The following P2RY6 variants were observed in gnomAD, a reference collection of about 807,000 sequenced individuals.
P2RY6 encodes pyrimidinergic receptor P2Y6.
A neutral mutation model predicts 16.3 loss-of-function variants in P2RY6; 19 were observed. The observed-to-expected ratio is 1.16, with a 90% CI of 0.81 to 1.71. The LOEUF is 1.71. Among genes scored for constraint, P2RY6 ranks in the 40% most tolerant of loss-of-function variants. P2RY6 has a pLI of 0.00. For synonymous variants in P2RY6, 184 were observed against 201.5 expected, an observed-to-expected ratio of 0.91 and a Z score of 0.74; for missense variants, 389 against 455.5, an observed-to-expected ratio of 0.85 and a Z score of 1.33.
intron 1 of P2RY6, 64 bp downstream of exon 1, chr11:73,272,530 A>G: frequency 1.0e-6 from 1 of 984,662 alleles, no homozygotes; most frequent in Non-Finnish European, 1.2e-6. Context: ...GAGCTTCCTG[A>G]GTAACTGCAG....
intron 1 of P2RY6, among the ~76,000 whole-genome samples, chr11:73,277,216 C>T (rs1032016502): frequency 2.2e-4 from 34 of 151,956 alleles, no homozygotes; most frequent in African/African-American, 8.0e-4. Context: ...CAGGTTCAAG[C>T]GATTCTCCTG....
At chr11:73,265,431 A>G (rs952901519) in intron 1 of P2RY6, 6 of 152,226 alleles carry the variant, frequency 3.9e-5, no homozygotes, top group African/African-American at 1.4e-4. Flanking sequence ...TGTTCTGATA[A>G]ATTACCATCC....
chr11:73,289,242 C>T (rs1042265742), intron 1 of P2RY6, among the ~76,000 whole-genome samples: 1 of 152,212 alleles, frequency 6.6e-6, no homozygotes. Flanking sequence ...GTCGCCTGAA[C>T]TGAAAAAAGG....
chr11:73,269,543 GT>G (rs1236264516), upstream of P2RY6, among the ~76,000 whole-genome samples: 1 of 152,216 alleles, frequency 6.6e-6, no homozygotes, highest in African/African-American at 2.4e-5. Context: ...AGCAGCATGT[GT>G]GTGGAGCACA....
chr11:73,293,453 G>C (rs933875919), intron 1 of P2RY6, among the ~76,000 whole-genome samples: 3 of 152,198 alleles, frequency 2.0e-5, no homozygotes, highest in Non-Finnish European at 4.4e-5. Flanking sequence ...CCCACCATGG[G>C]CAGAGTCCAG....
chr11:73,297,562 C>A lies in P2RY6; in HGVS notation c.*57C>A. The A allele has an allele frequency of 3.0e-6, 4 of 1,322,128 alleles. 1 individual carries two copies. In the South Asian group the frequency reaches 5.2e-5, roughly 17 times the overall value. The allele number at this position is 1,322,128 out of a possible 1,614,324, so 81.9% of individuals were successfully genotyped here. A position where few individuals can be genotyped will look rare whatever the true frequency, so the allele number is the denominator to read the frequency against. On this transcript the variant is annotated 3_prime_UTR_variant, in exon 3 of 3. Coordinates refer to ENST00000540124, the MANE Select transcript of P2RY6 (RefSeq NM_001277204.2). ...GCCATTGTGTCCGGGGCACCAGGAG[C>A]CCCACCAACCCCAAACCATGCGGAG...
chr11:73,269,468 T>C (rs1442297390), upstream of P2RY6, among the ~76,000 whole-genome samples: 1 of 152,144 alleles, frequency 6.6e-6, no homozygotes, highest in African/African-American at 2.4e-5. Flanking sequence ...TTGAAGATTA[T>C]GATAAGGATT....
At chr11:73,265,997 A>T (rs1444999328) in intron 1 of P2RY6, among the ~76,000 whole-genome samples, 1 of 152,168 alleles carries the variant, frequency 6.6e-6, no homozygotes, top group East Asian at 1.9e-4. Flanking sequence ...ACAATCTCTG[A>T]TACATAGAAA....
intron 1 of P2RY6, among the ~76,000 whole-genome samples, chr11:73,264,888 A>G (rs566064076): frequency 2.6e-3 from 398 of 152,178 alleles, no homozygotes; most frequent in Non-Finnish European, 4.8e-3. Context: ...GCAATGGGTT[A>G]ATGGGTTGTA....
chr11:73,272,894 A>G (rs1863375093), intron 1 of P2RY6, among the ~76,000 whole-genome samples: 1 of 152,136 alleles, frequency 6.6e-6, no homozygotes, highest in Non-Finnish European at 1.5e-5. Flanking sequence ...TGCTAAGTGT[A>G]GTATCTGGAG....
intron 2 of P2RY6, among the ~76,000 whole-genome samples, chr11:73,296,102 T>TATAGC (rs1864462313): frequency 6.6e-6 from 1 of 151,772 alleles, no homozygotes; most frequent in Non-Finnish European, 1.5e-5. Context: ...CTCAAGGTCA[T>TATAGC]ATAGCAAATG....
At chr11:73,286,018 G>A (rs985341948) in intron 1 of P2RY6, among the ~76,000 whole-genome samples, 2 of 152,238 alleles carry the variant, frequency 1.3e-5, no homozygotes, top group African/African-American at 4.8e-5. Flanking sequence ...AAGGTGGAAT[G>A]CAGTGGCCTA....
At chr11:73,287,350 C>T (rs1039341392) in intron 1 of P2RY6, among the ~76,000 whole-genome samples, 3 of 152,220 alleles carry the variant, frequency 2.0e-5, no homozygotes, top group Admixed American at 2.0e-4. Flanking sequence ...GTCACTCCTC[C>T]ACCCTGAGCC....
intron 1 of P2RY6, among the ~76,000 whole-genome samples, chr11:73,276,938 G>T (rs1222430451): frequency 6.6e-6 from 1 of 152,086 alleles, no homozygotes; most frequent in Non-Finnish European, 1.5e-5. Flanking sequence ...GATGAATGTT[G>T]GTCCTCAGGT....
chr11:73,274,166 G>C (rs112135168), intron 1 of P2RY6, among the ~76,000 whole-genome samples: 11 of 152,262 alleles, frequency 7.2e-5, no homozygotes, highest in African/African-American at 2.2e-4. Context: ...CTTGTTGAAG[G>C]GAAATGGCTC....
In P2RY6 at chr11:73,296,965, A is replaced by G. The variant is rs1472204986; in HGVS notation, c.447A>G (p.Val149=). 3.7e-6 allele frequency: 6 copies of G among 1,603,648 alleles called. 1 individual carries two copies. In the South Asian group the frequency reaches 6.6e-5, roughly 18 times the overall value. The part of the protein sequence containing the change: ...GGRRAAWLVC[V]AVWLAVTTQC... Reference sequence around the variant, plus strand: ...GCCGGGCTGCCTGGCTAGTGTGTGTAGCCGTGTGGCTGGCCGTGACAACCC... The same window carrying G: ...GCCGGGCTGCCTGGCTAGTGTGTGTGGCCGTGTGGCTGGCCGTGACAACCC... The change falls in exon 3 of 3, where the codon GTA becomes GTG. Residue 149 remains valine, a synonymous_variant. Transcript: ENST00000540124.
chr11:73,278,091 G>C (rs1565163958), intron 1 of P2RY6, among the ~76,000 whole-genome samples: 1 of 152,194 alleles, frequency 6.6e-6, no homozygotes, highest in Non-Finnish European at 1.5e-5. Flanking sequence ...CTGGTACTAA[G>C]TATACGCACA....
intron 1 of P2RY6, among the ~76,000 whole-genome samples, chr11:73,266,412 G>A (rs547639964): frequency 6.6e-6 from 1 of 152,322 alleles, no homozygotes; most frequent in Admixed American, 6.5e-5. Flanking sequence ...GAACTGGCAG[G>A]GGCAGGAGCC....
intron 1 of P2RY6, among the ~76,000 whole-genome samples, chr11:73,287,240 G>A (rs992665078): frequency 6.6e-6 from 1 of 152,220 alleles, no homozygotes; most frequent in Non-Finnish European, 1.5e-5. Context: ...AGCAGCTCCT[G>A]CCTCACTTTC....
Sources: allele counts gnomAD v4.1 joint callset (sites outside exome capture counted in the v4.1 genomes callset), GRCh38; gene constraint gnomAD v4.1.1; transcripts MANE v1.5; gene names NCBI Gene and HGNC (gene_info 2026-07-23, HGNC 2026-07-21).